RREB1: variants seen among roughly 807,000 people sequenced by gnomAD.
RREB1 encodes the protein ras responsive element binding protein 1.
RREB1 carries 27 observed loss-of-function variants against 117.8 expected under a neutral mutation model. The observed-to-expected ratio is 0.23, with a 90% CI of 0.17 to 0.32. The LOEUF is 0.32. Ranked by LOEUF, RREB1 falls within the 10% of genes least tolerant of loss-of-function variation. The probability of loss-of-function intolerance (pLI) is 1.00; values close to 1 mark genes in which losing one functional copy is unlikely to be tolerated. For missense variants in RREB1, 2,577 were observed against 2,378.2 expected (o/e 1.08, Z -1.74); for synonymous variants, 1,298 against 1,026.7 (o/e 1.26, Z -5.05).
intron 6 of RREB1, 98 bp downstream of exon 6, chr6:7,189,420 TAC>T: frequency 8.8e-7 from 1 of 1,139,772 alleles, no homozygotes. Context: ...TGCCTAAAGG[TAC>T]AGAGAGTTCT....
rs1344173790 is a variant in RREB1, at chr6:7,239,329, A to G, written c.3809-1109A>G. On this transcript the variant is annotated intron_variant, in intron 10 of 12. Transcript: ENST00000379938. ...CCTTGGACTCCAGCAACTTGGGGGAAAGGGAGGAATTCAGTGATACACAAG... is the reference window on the plus strand; with the variant it reads ...CCTTGGACTCCAGCAACTTGGGGGAGAGGGAGGAATTCAGTGATACACAAG... 2.0e-5 allele frequency among the ~76,000 whole-genome samples: 3 copies of G among 152,196 alleles called. No individual in the cohort carries two copies. The East Asian group carries it at 5.8e-4, about 29-fold the overall frequency.
At chr6:7,131,048 C>T (rs1406962941) in intron 1 of RREB1, among the ~76,000 whole-genome samples, 5 of 150,132 alleles carry the variant, frequency 3.3e-5, no homozygotes, top group Admixed American at 6.7e-5. Flanking sequence ...ACACCATTCT[C>T]CTGCCTCAGC....
chr6:7,191,286 C>T (rs572066569), intron 6 of RREB1, among the ~76,000 whole-genome samples: 1 of 151,944 alleles, frequency 6.6e-6, no homozygotes, highest in Admixed American at 6.5e-5. Flanking sequence ...AAAGTGTGCA[C>T]TTCAGTGGGC....
intron 4 of RREB1, chr6:7,184,887 G>A (rs1764999489): frequency 6.7e-6 from 1 of 148,812 alleles, no homozygotes; most frequent in Non-Finnish European, 1.5e-5. Context: ...TAAAAATTTT[G>A]TGTATGTAAA....
At chr6:7,129,727 G>A (rs1165590080) in intron 1 of RREB1, among the ~76,000 whole-genome samples, 1 of 152,216 alleles carries the variant, frequency 6.6e-6, no homozygotes, top group African/African-American at 2.4e-5. Context: ...TTCGAGAGGG[G>A]TAACATCCTG....
chr6:7,217,076 C>T (rs1014070137), intron 8 of RREB1: 1 of 152,350 alleles, frequency 6.6e-6, no homozygotes, highest in Non-Finnish European at 1.5e-5. Context: ...CTGGCCAGGG[C>T]CCTGTCACAG....
rs4053178 is a variant in RREB1 at position 7,249,062 on chromosome 6, T to TGAGAGAGAGAGAGAGAGAGAGA, written c.*115_*136dup. ...TCAGTGCCCTTTGGCTGTTGAGGAGTGAGAGAGAGAGAGAGAGAGAGAGAG... is the reference window on the plus strand; with the variant it reads ...TCAGTGCCCTTTGGCTGTTGAGGAGTGAGAGAGAGAGAGAGAGAGAGAGAGAGAGAGAGAGAGAGAGAGAGAG... On this transcript the variant is annotated 3_prime_UTR_variant, in exon 13 of 13. Coordinates refer to ENST00000379938, the MANE Select transcript of RREB1 (RefSeq NM_001003699.4). 1.9e-5 allele frequency: 11 copies of TGAGAGAGAGAGAGAGAGAGAGA among 568,226 alleles called. No individual in the cohort carries two copies. Among genetic ancestry groups the TGAGAGAGAGAGAGAGAGAGAGA allele is most frequent in the African/African-American group, 8.1e-5 (4 of 49,552 alleles). The allele number at this position is 568,226 out of a possible 1,614,324, so 35.2% of individuals were successfully genotyped here.
chr6:7,219,838 T>G (rs1767133407), intron 8 of RREB1, among the ~76,000 whole-genome samples: 1 of 152,178 alleles, frequency 6.6e-6, no homozygotes, highest in South Asian at 2.1e-4. Context: ...GAGCTTACCT[T>G]ATGACCTGGG....
At chr6:7,109,924 G>T (rs1761052917) in intron 1 of RREB1, among the ~76,000 whole-genome samples, 1 of 152,130 alleles carries the variant, frequency 6.6e-6, no homozygotes, top group Admixed American at 6.5e-5. Flanking sequence ...CTGTCCGGGG[G>T]TTTTCATTAG....
At chr6:7,238,035 C>T (rs957579092) in intron 10 of RREB1, among the ~76,000 whole-genome samples, 1 of 152,098 alleles carries the variant, frequency 6.6e-6, no homozygotes, top group Non-Finnish European at 1.5e-5. Flanking sequence ...AGCGAGAAGC[C>T]GATTGTTTTC....
At chr6:7,168,048 G>A (rs763479580) in intron 1 of RREB1, among the ~76,000 whole-genome samples, 8 of 151,952 alleles carry the variant, frequency 5.3e-5, no homozygotes, top group Non-Finnish European at 1.2e-4. Flanking sequence ...ATCACTTGAG[G>A]TCAGGAGTTT....
At chr6:7,208,636 C>T (rs1766407747) in intron 6 of RREB1, among the ~76,000 whole-genome samples, 1 of 152,346 alleles carries the variant, frequency 6.6e-6, no homozygotes, top group Non-Finnish European at 1.5e-5. Flanking sequence ...GTCACTCTGC[C>T]ACTTCTAGGA....
chr6:7,170,694 T>A (rs1432462802), intron 1 of RREB1, among the ~76,000 whole-genome samples: 1 of 152,236 alleles, frequency 6.6e-6, no homozygotes, highest in Non-Finnish European at 1.5e-5. Flanking sequence ...TCCCTGTCCC[T>A]CATTTATTAT....
intron 1 of RREB1, among the ~76,000 whole-genome samples, chr6:7,115,439 A>G (rs1361708710): frequency 6.7e-6 from 1 of 148,590 alleles, no homozygotes; most frequent in South Asian, 2.1e-4. Flanking sequence ...ATCGAATTCC[A>G]GAAAAGGAAG....
rs765068165 is a variant in RREB1 at position 7,230,610 on chromosome 6, G to T, written c.2511G>T (p.Pro837=). Residue 837 remains proline (P), a synonymous_variant, in exon 10 of 13, where the codon CCG becomes CCT. Coordinates refer to ENST00000379938, the MANE Select transcript of RREB1 (RefSeq NM_001003699.4). ...AADGLGPAEA[P]AAEASGRGED... is the part of the protein sequence containing the mutation. ...ACGGCCTGGGCCCCGCAGAGGCGCC[G>T]GCCGCTGAGGCGTCGGGGCGCGGGG... The T allele has an allele frequency of 6.2e-7, 1 of 1,603,370 alleles. No homozygotes were observed. Among genetic ancestry groups the T allele is most frequent in the South Asian group, 1.1e-5 (1 of 90,262 alleles).
Position 7,211,341 on chromosome 6 carries a change from T to C in RREB1, c.571-232T>C, listed in dbSNP as rs1032950031. 7.2e-4 allele frequency among the ~76,000 whole-genome samples: 97 copies of C among 135,486 alleles called. 1 individual carries two copies. The highest frequency in any genetic ancestry group is 6.6e-3 in the Admixed American group (84 of 12,686). The allele number at this position is 135,486 out of a possible 152,430, so 88.9% of individuals were successfully genotyped here. A position where few individuals can be genotyped will look rare whatever the true frequency, so the allele number is the denominator to read the frequency against. ...GTGGGTGGATGGATGGATGGACAGATGGATGGATGGATGGATGGATGGATG... is the reference window on the plus strand; with the variant it reads ...GTGGGTGGATGGATGGATGGACAGACGGATGGATGGATGGATGGATGGATG... On this transcript the variant is annotated intron_variant, in intron 7 of 12. Coordinates refer to ENST00000379938, the MANE Select transcript of RREB1 (RefSeq NM_001003699.4).
chr6:7,174,293 G>A (rs768525240), intron 1 of RREB1, among the ~76,000 whole-genome samples: 1 of 151,676 alleles, frequency 6.6e-6, no homozygotes, highest in Non-Finnish European at 1.5e-5. Flanking sequence ...AAACAGCCTC[G>A]TGAACTCTGG....
intron 11 of RREB1, among the ~76,000 whole-genome samples, chr6:7,243,095 T>C (rs1768815140): frequency 6.6e-6 from 1 of 152,216 alleles, no homozygotes; most frequent in Non-Finnish European, 1.5e-5. Context: ...TGGCCGCCTT[T>C]ACCAGCCCAG....
rs1156649000 is a variant in RREB1 at position 7,229,193 on chromosome 6, C to G, written c.1094C>G (p.Ala365Gly). The change falls in exon 10 of 13, where the codon GCC becomes GGC. Residue 365 changes from alanine to glycine, a missense_variant. Transcript: ENST00000379938. The surrounding 1 kb of genome is among the most constrained non-coding windows in gnomAD (Gnocchi z 4.5). Reference protein sequence around the residue: ...GDALDQKGFLALLGLQHTKDV... With the variant: ...GDALDQKGFLGLLGLQHTKDV... ...GCCCTGGACCAGAAGGGCTTCCTGG[C>G]CTTGCTTGGCCTGCAGCACACCAAA... 1.9e-6 allele frequency: 3 copies of G among 1,610,580 alleles called. No individual in the cohort carries two copies. The highest frequency in any genetic ancestry group is 2.2e-5 in the South Asian group (2 of 90,896).
Sources: gnomAD v4.1 joint callset for allele counts (sites outside exome capture counted in the v4.1 genomes callset) on GRCh38, gnomAD v4.1.1 for gene constraint, Gnocchi (gnomAD v3.1) non-coding constraint, MANE v1.5 for transcripts, NCBI Gene and HGNC (gene_info 2026-07-23, HGNC 2026-07-21) for gene names.